The following TSPEAR variants were observed in gnomAD, a reference collection of about 807,000 sequenced individuals.
TSPEAR encodes thrombospondin-type laminin G domain and EAR repeat-containing protein.
Under a neutral mutation model 71.6 loss-of-function variants are expected in TSPEAR, and 69 were observed. The ratio of observed to expected loss-of-function variants is 0.96; its 90% CI spans 0.79 to 1.18. The LOEUF is 1.18. TSPEAR is among the 50% of genes most tolerant of loss of function. The probability of loss-of-function intolerance (pLI) is 0.00; values close to 1 mark genes in which losing one functional copy is unlikely to be tolerated. For missense variants in TSPEAR, 971 were observed against 894.9 expected, an observed-to-expected ratio of 1.09 and a Z score of -1.09; for synonymous variants, 402 against 387.2, an observed-to-expected ratio of 1.04 and a Z score of -0.45.
chr21:44,598,494 C>T (rs1437274224), intron 1 of TSPEAR, among the ~76,000 whole-genome samples: 2 of 152,146 alleles, frequency 1.3e-5, no homozygotes, highest in Admixed American at 6.5e-5. Flanking sequence ...CGACTCTGAG[C>T]CTTATTTCTA....
At chr21:44,616,072 G>A (rs1479420396) in intron 1 of TSPEAR, among the ~76,000 whole-genome samples, 4 of 152,142 alleles carry the variant, frequency 2.6e-5, no homozygotes, top group African/African-American at 4.8e-5. Flanking sequence ...GACAGAGGTC[G>A]GCAGCACCTG....
At chr21:44,530,607 A>G (rs968987795) in intron 4 of TSPEAR, among the ~76,000 whole-genome samples, 1 of 152,248 alleles carries the variant, frequency 6.6e-6, no homozygotes, top group Non-Finnish European at 1.5e-5. Flanking sequence ...AGCATCTGCT[A>G]TGTGCCAGGC....
intron 11 of TSPEAR, among the ~76,000 whole-genome samples, chr21:44,502,648 C>T (rs587735293): frequency 7.9e-4 from 120 of 152,380 alleles, no homozygotes; most frequent in Non-Finnish European, 1.5e-4. Context: ...CACCAGCACT[C>T]GTGGGTTGTG....
intron 2 of TSPEAR, chr21:44,538,879 A>C: frequency 3.8e-6 from 1 of 265,914 alleles, no homozygotes; most frequent in Non-Finnish European, 7.2e-6. Context: ...GTCCCCTGTG[A>C]CTTCTAGGTT....
At position 44,666,667 on chromosome 21, in the gene TSPEAR, C is replaced by T. The variant is rs1555944823; in HGVS notation, c.82+44766G>A. The stretch of plus-strand genomic sequence containing the variant: ...GACTGGCAGCTCACGGGCACGCACA[C>T]AGCTGACTTGAAGCTCATGGGCACA... On this transcript the variant is annotated intron_variant, in intron 1 of 11. Transcript: ENST00000323084. 1.1e-5 allele frequency: 17 copies of T among 1,612,936 alleles called. 1 individual carries two copies. The South Asian group carries it at 1.9e-4, about 18-fold the overall frequency.
rs1041160995 is a variant in TSPEAR at position 44,580,684 on chromosome 21, G to A, written c.83-12679C>T. 8.3e-6 allele frequency: 10 copies of A among 1,207,132 alleles called. No homozygotes were observed. In the African/African-American group the frequency reaches 1.2e-4, roughly 15 times the overall value. The allele number at this position is 1,207,132 out of a possible 1,614,324, so 74.8% of individuals were successfully genotyped here. A position where few individuals can be genotyped will look rare whatever the true frequency, so the allele number is the denominator to read the frequency against. On this transcript the variant is annotated intron_variant, in intron 1 of 11. Transcript: ENST00000323084. ...GTGAGTGAGGTGCTCAGGGCTGTGG[G>A]GCTTTTAAATCCCTCCCTGGCGTGT...
chr21:44,629,983 G>C (rs1555935420), intron 1 of TSPEAR, among the ~76,000 whole-genome samples: 1 of 152,198 alleles, frequency 6.6e-6, no homozygotes, highest in Non-Finnish European at 1.5e-5. Flanking sequence ...CTGTCGCGGG[G>C]GTCAGGAGCA....
chr21:44,662,305 A>T (rs1985537737), intron 1 of TSPEAR, among the ~76,000 whole-genome samples: 1 of 152,206 alleles, frequency 6.6e-6, no homozygotes, highest in African/African-American at 2.4e-5. Flanking sequence ...GGAAAAATAC[A>T]CCACACAAAC....
chr21:44,539,858 G>A (rs1555916960), intron 2 of TSPEAR: 2 of 1,578,304 alleles, frequency 1.3e-6, no homozygotes, highest in Non-Finnish European at 8.6e-7. Flanking sequence ...CACGCAGCAG[G>A]CCTGCTGGCA....
intron 1 of TSPEAR, among the ~76,000 whole-genome samples, chr21:44,618,035 C>T (rs1263678210): frequency 6.6e-6 from 1 of 152,220 alleles, no homozygotes; most frequent in Non-Finnish European, 1.5e-5. Flanking sequence ...CTGTAAGGGC[C>T]TGTCCCTCCA....
chr21:44,643,176 C>A (rs1984115312), intron 1 of TSPEAR, among the ~76,000 whole-genome samples: 2 of 152,202 alleles, frequency 1.3e-5, no homozygotes, highest in Admixed American at 6.5e-5. Flanking sequence ...ACAAATACTG[C>A]AGACCTCACT....
At chr21:44,519,090 G>T (rs139395652) in intron 9 of TSPEAR, 1 of 159,324 alleles carries the variant, frequency 6.3e-6, no homozygotes, top group African/African-American at 2.4e-5. Context: ...GTGCAGTGGC[G>T]TGATCTCGGC....
At chr21:44,676,669 G>A in intron 1 of TSPEAR, 1 of 770,642 alleles carries the variant, frequency 1.3e-6, no homozygotes, top group East Asian at 2.4e-5. Flanking sequence ...CAAGTGATCA[G>A]TGTGGGCAGC....
At chr21:44,590,462 C>T (rs461629) in intron 1 of TSPEAR, among the ~76,000 whole-genome samples, 63,618 of 151,720 alleles carry the variant, frequency 0.42, 15,870 homozygotes, top group African/African-American at 0.7. Flanking sequence ...CAGGGGGGCC[C>T]GCAGGCTTGG....
chr21:44,683,594 G>A (rs1312007470), intron 1 of TSPEAR, among the ~76,000 whole-genome samples: 1 of 152,088 alleles, frequency 6.6e-6, no homozygotes, highest in African/African-American at 2.4e-5. Flanking sequence ...TATTGAGCCT[G>A]GGAGGTTGAG....
chr21:44,659,716 T>C (rs957814946), intron 1 of TSPEAR, among the ~76,000 whole-genome samples: 1 of 152,036 alleles, frequency 6.6e-6, no homozygotes, highest in African/African-American at 2.4e-5. Context: ...AGCCTGGTGG[T>C]TCGAGGCTGC....
Position 44,612,998 on chromosome 21 carries a change from C to T in TSPEAR, c.83-44993G>A, listed in dbSNP as rs1314863435. 5.2e-5 allele frequency: 75 copies of T among 1,445,548 alleles called. No homozygotes were observed. The highest frequency in any genetic ancestry group is 6.7e-5 in the Non-Finnish European group (71 of 1,064,096). 89.5% of individuals were successfully genotyped at this position (1,445,548 alleles called of 1,614,324 possible). On this transcript the variant is annotated intron_variant, in intron 1 of 11. Transcript: ENST00000323084. The surrounding 1 kb of genome is among the most constrained non-coding windows in gnomAD (Gnocchi z 4.1). ...TACCTGGGATGGGGTCTCCATGTCT[C>T]CCCTGTGCTGAGGTGACCTCTCCCT...
intron 1 of TSPEAR, among the ~76,000 whole-genome samples, chr21:44,684,204 C>T (rs1555948582): frequency 6.6e-6 from 1 of 152,158 alleles, no homozygotes; most frequent in Non-Finnish European, 1.5e-5. Context: ...ACTGGCAATC[C>T]GGAAGTCTAC....
At chr21:44,618,181 C>A (rs892912556) in intron 1 of TSPEAR, among the ~76,000 whole-genome samples, 4 of 152,108 alleles carry the variant, frequency 2.6e-5, no homozygotes, top group Non-Finnish European at 5.9e-5. Context: ...GAGTTGGTTT[C>A]CCCCATGCTG....
Sources: allele counts gnomAD v4.1 joint callset (sites outside exome capture counted in the v4.1 genomes callset), GRCh38; gene constraint gnomAD v4.1.1; non-coding constraint Gnocchi (gnomAD v3.1); transcripts MANE v1.5; gene names NCBI Gene and HGNC (gene_info 2026-07-23, HGNC 2026-07-21).